Variants in INO80 observed in about 807,000 individuals in gnomAD.
INO80 encodes the protein chromatin-remodeling ATPase INO80.
A neutral mutation model predicts 203.4 loss-of-function variants in INO80; 20 were observed. The observed-to-expected ratio is 0.10, with a 90% confidence interval of 0.07 to 0.14. INO80 has a LOEUF of 0.14. Among genes scored for constraint, INO80 ranks in the 10% least tolerant of loss-of-function variants. The probability of loss-of-function intolerance (pLI) is 1.00; values close to 1 mark genes in which losing one functional copy is unlikely to be tolerated. For synonymous variants in INO80, 726 were observed against 685.2 expected (o/e 1.06, Z -0.93); for missense variants, 1,419 against 1,914.4 (o/e 0.74, Z 4.83).
chr15:41,047,110 G>A (rs967093851), intron 23 of INO80, among the ~76,000 whole-genome samples: 12 of 151,860 alleles, frequency 7.9e-5, no homozygotes, highest in African/African-American at 2.7e-4. Flanking sequence ...TGGAATTACA[G>A]GCATGCACCA....
At chr15:41,095,381 A>G (rs2045707802) in intron 4 of INO80, among the ~76,000 whole-genome samples, 2 of 152,216 alleles carry the variant, frequency 1.3e-5, no homozygotes, top group Admixed American at 6.5e-5. Context: ...CAAGCATTTC[A>G]GATTAGCAAT....
chr15:40,984,841 T>C (rs1350348426), intron 32 of INO80, among the ~76,000 whole-genome samples: 1 of 152,192 alleles, frequency 6.6e-6, no homozygotes, highest in Non-Finnish European at 1.5e-5. Flanking sequence ...TCTACATATC[T>C]GTTTTTAAGA....
Position 40,997,558 on chromosome 15 carries a change from G to T in INO80, c.3541C>A (p.Leu1181Met). ...VFLLSTRAGG[L>M]GINLTAADTV... The stretch of plus-strand genomic sequence containing the variant: ...TCTGCAGCAGTGAGATTGATACCCA[G>T]TCCTCCAGCTCGTGTGCTTAACAGG... The change falls in exon 29 of 36, where the codon CTG (leucine) becomes ATG (methionine). Residue 1181 changes from leucine (L) to methionine (M), a missense_variant. Transcript: ENST00000648947. 6.2e-7 allele frequency: 1 copy of T among 1,612,298 alleles called. No homozygotes were observed. The highest frequency in any genetic ancestry group is 8.5e-7 in the Non-Finnish European group (1 of 1,178,416).
intron 6 of INO80, among the ~76,000 whole-genome samples, chr15:41,086,421 C>T: frequency 6.6e-6 from 1 of 152,052 alleles, no homozygotes; most frequent in Non-Finnish European, 1.5e-5. Flanking sequence ...GAGGCCAAGG[C>T]AGGCGGATCA....
At position 41,079,857 on chromosome 15, in the gene INO80, G is replaced by T. The variant is rs34467689; in HGVS notation, c.975C>A (p.Ala325=). Reference sequence around the variant, plus strand: ...GCAAGGTTTCCTTACAGTTCTTCTGGGCCTGCAAGGCAGCTCGACGCACCT... The same window carrying T: ...GCAAGGTTTCCTTACAGTTCTTCTGTGCCTGCAAGGCAGCTCGACGCACCT... The part of the protein sequence containing the change: ...MKEVRRAALQ[A]QKNCKETLPR... The change falls in exon 9 of 36, where the codon GCC becomes GCA. Residue 325 remains alanine (A), a synonymous_variant. Transcript: ENST00000648947. 3,495 of 1,613,988 alleles carry T rather than the reference G, an allele frequency of 2.2e-3. 51 individuals are homozygous for T. In the African/African-American group the frequency reaches 0.029, roughly 13 times the overall value.
At chr15:40,982,072 A>C (rs1207811903) in intron 35 of INO80, among the ~76,000 whole-genome samples, 4 of 152,226 alleles carry the variant, frequency 2.6e-5, no homozygotes, top group Non-Finnish European at 5.9e-5. Flanking sequence ...ATTGCTGTTA[A>C]GAGTACTGCA....
intron 28 of INO80, among the ~76,000 whole-genome samples, chr15:40,998,128 TC>T (rs1275393878): frequency 6.6e-6 from 1 of 150,396 alleles, no homozygotes; most frequent in African/African-American, 2.4e-5. Context: ...TTCAAGCAAT[TC>T]TCCTGCCTCA....
chr15:41,064,370 T>C (rs1289246890), intron 14 of INO80, among the ~76,000 whole-genome samples: 1 of 152,168 alleles, frequency 6.6e-6, no homozygotes, highest in Non-Finnish European at 1.5e-5. Context: ...GTTTGAAAAT[T>C]ATGAATTACA....
chr15:40,990,968 T>A (rs897968082), intron 29 of INO80, among the ~76,000 whole-genome samples: 3 of 152,190 alleles, frequency 2.0e-5, no homozygotes, highest in Non-Finnish European at 4.4e-5. Context: ...TTGAGCTGTC[T>A]AAGCTTGAGG....
At chr15:41,106,463 C>T (rs1335576102) in intron 1 of INO80, among the ~76,000 whole-genome samples, 1 of 148,680 alleles carries the variant, frequency 6.7e-6, no homozygotes, top group East Asian at 2.0e-4. Flanking sequence ...ACTCTGTAAA[C>T]TCATACAGTG....
chr15:41,003,229 CTATAA>C (rs948383254), intron 28 of INO80, among the ~76,000 whole-genome samples: 3 of 151,668 alleles, frequency 2.0e-5, no homozygotes, highest in Non-Finnish European at 2.9e-5. Context: ...AAAATCCCAC[CTATAA>C]TATAATAGTA....
At chr15:40,991,541 A>T (rs939848483) in intron 29 of INO80, among the ~76,000 whole-genome samples, 2 of 152,122 alleles carry the variant, frequency 1.3e-5, no homozygotes, top group African/African-American at 4.8e-5. Context: ...CAATTAAAGG[A>T]TTAGAACAAC....
At chr15:41,030,485 T>C (rs2044442079) in intron 24 of INO80, among the ~76,000 whole-genome samples, 1 of 152,028 alleles carries the variant, frequency 6.6e-6, no homozygotes, top group Non-Finnish European at 1.5e-5. Flanking sequence ...CACCTCAGCC[T>C]CCTGAGTAGG....
At chr15:41,000,688 CA>C (rs2043946805) in intron 28 of INO80, among the ~76,000 whole-genome samples, 1 of 106,538 alleles carries the variant, frequency 9.4e-6, no homozygotes, top group African/African-American at 3.8e-5. Flanking sequence ...GCCTGGGTGA[CA>C]GAGTGGCACC....
At chr15:41,111,621 G>A (rs1165390495) in intron 1 of INO80, among the ~76,000 whole-genome samples, 1 of 151,694 alleles carries the variant, frequency 6.6e-6, no homozygotes, top group East Asian at 1.9e-4. Flanking sequence ...TAGCTAACAT[G>A]GTGAAATCCT....
intron 27 of INO80, chr15:41,013,081 A>ACAACAT (rs2140452742): frequency 6.6e-6 from 1 of 151,820 alleles, no homozygotes; most frequent in Non-Finnish European, 1.5e-5. Context: ...CATAACAACA[A>ACAACAT]CAACAACAAC....
At chr15:40,989,793 C>A (rs953540243) in intron 29 of INO80, among the ~76,000 whole-genome samples, 1 of 152,192 alleles carries the variant, frequency 6.6e-6, no homozygotes, top group African/African-American at 2.4e-5. Flanking sequence ...ATTTTCTATT[C>A]TTTCCTAACA....
At chr15:41,055,471 G>C in intron 17 of INO80, 107 bp from the exon 18 acceptor site, 1 of 514,698 alleles carries the variant, frequency 1.9e-6, no homozygotes, top group Non-Finnish European at 3.4e-6. Flanking sequence ...TAAGTGCCTA[G>C]ATGCATGTGT....
chr15:41,048,690 A>C (rs1234604723), intron 21 of INO80, among the ~76,000 whole-genome samples: 1 of 152,224 alleles, frequency 6.6e-6, no homozygotes, highest in Admixed American at 6.5e-5. Flanking sequence ...ATTGGTGATG[A>C]GTTTCTCTAT....
Sources: allele counts gnomAD v4.1 joint callset (sites outside exome capture counted in the v4.1 genomes callset), GRCh38; gene constraint gnomAD v4.1.1; transcripts MANE v1.5; gene names NCBI Gene and HGNC (gene_info 2026-07-23, HGNC 2026-07-21).